Variants in PDE4D observed in about 807,000 individuals in gnomAD.
The protein encoded by PDE4D is phosphodiesterase 4D.
Under a neutral mutation model 87.4 loss-of-function variants are expected in PDE4D, and 24 were observed. The observed-to-expected ratio is 0.27, with a 90% CI of 0.20 to 0.39. The LOEUF is 0.39. Ranked by LOEUF, PDE4D falls within the 10% of genes least tolerant of loss-of-function variation. The pLI is 1.00. For missense variants in PDE4D, 714 were observed against 1,041.0 expected, an observed-to-expected ratio of 0.69 and a Z score of 4.32; for synonymous variants, 384 against 383.2, an observed-to-expected ratio of 1.00 and a Z score of -0.02.
rs376228413 is a variant in PDE4D at position 59,227,126 on chromosome 5, T to A, written c.456-11158A>T. 1.4e-3 allele frequency among the ~76,000 whole-genome samples: 213 copies of A among 152,314 alleles called. 3 individuals are homozygous for A. Among genetic ancestry groups the A allele is most frequent in the African/African-American group, 5.0e-3 (206 of 41,582 alleles). On this transcript the variant is annotated intron_variant, in intron 1 of 14. Coordinates refer to ENST00000340635, the MANE Select transcript of PDE4D (RefSeq NM_001104631.2). ...CAGCAGGTTACTACCAATCTTTCAC[T>A]TTCTAAGATCACTTCTAAGATGCTA...
chr5:59,470,486 C>A (rs1802276668), intron 1 of PDE4D, among the ~76,000 whole-genome samples: 1 of 152,092 alleles, frequency 6.6e-6, no homozygotes, highest in Admixed American at 6.5e-5. Context: ...ACCAAAATAC[C>A]ATAATTTCAT....
At chr5:60,380,167 T>C (rs890544453) in intron 1 of PDE4D, among the ~76,000 whole-genome samples, 10 of 152,212 alleles carry the variant, frequency 6.6e-5, no homozygotes, top group Admixed American at 5.2e-4. Flanking sequence ...ACGGCAGTTA[T>C]AGAGAACAGA....
intron 1 of PDE4D, among the ~76,000 whole-genome samples, chr5:59,436,497 A>C (rs1484172948): frequency 1.3e-5 from 2 of 152,232 alleles, no homozygotes; most frequent in African/African-American, 4.8e-5. Context: ...CAGATGGATA[A>C]GTAGTTTCTC....
intron 1 of PDE4D, among the ~76,000 whole-genome samples, chr5:60,279,006 TC>T (rs1478193554): frequency 6.6e-6 from 1 of 152,208 alleles, no homozygotes; most frequent in Non-Finnish European, 1.5e-5. Context: ...AGATGCCATT[TC>T]TTATTTAAAT....
At chr5:59,274,352 C>A (rs1351287534) in intron 1 of PDE4D, among the ~76,000 whole-genome samples, 1 of 152,074 alleles carries the variant, frequency 6.6e-6, no homozygotes, top group East Asian at 1.9e-4. Flanking sequence ...ACAGCAAAGG[C>A]TAACCTATCC....
intron 3 of PDE4D, among the ~76,000 whole-genome samples, chr5:59,910,160 C>T (rs550215609): frequency 2.6e-5 from 4 of 152,168 alleles, no homozygotes; most frequent in African/African-American, 7.2e-5. Context: ...CTGCCTGTGC[C>T]GCCTCTTGAA....
intron 1 of PDE4D, among the ~76,000 whole-genome samples, chr5:60,482,356 T>C (rs1253747246): frequency 6.6e-6 from 1 of 152,136 alleles, no homozygotes; most frequent in African/African-American, 2.4e-5. Context: ...AGACACCCAG[T>C]TGATGATACT....
intron 1 of PDE4D, among the ~76,000 whole-genome samples, chr5:59,340,894 G>T (rs1231565354): frequency 6.6e-6 from 1 of 152,112 alleles, no homozygotes; most frequent in East Asian, 1.9e-4. Flanking sequence ...GTACTCCATT[G>T]TGTGTATGTA....
chr5:59,318,505 T>A (rs936222287), intron 1 of PDE4D, among the ~76,000 whole-genome samples: 1 of 152,012 alleles, frequency 6.6e-6, no homozygotes, highest in Non-Finnish European at 1.5e-5. Flanking sequence ...ACTTACAGAA[T>A]ATATGCAATA....
intron 1 of PDE4D, among the ~76,000 whole-genome samples, chr5:59,514,194 C>T (rs1395846603): frequency 6.6e-6 from 1 of 151,748 alleles, no homozygotes; most frequent in Non-Finnish European, 1.5e-5. Context: ...CATGCTCCGC[C>T]TCCCGGGTTC....
At chr5:59,516,996 G>A (rs61349922) in intron 1 of PDE4D, among the ~76,000 whole-genome samples, 12,237 of 151,650 alleles carry the variant, frequency 0.081, 1,552 homozygotes, top group African/African-American at 0.27. Flanking sequence ...GTTAAAATAC[G>A]GTAAATATTT....
intron 1 of PDE4D, among the ~76,000 whole-genome samples, chr5:60,375,947 G>C (rs1298061515): frequency 6.6e-6 from 1 of 152,158 alleles, no homozygotes; most frequent in Non-Finnish European, 1.5e-5. Context: ...GCTGAGGCAG[G>C]AGAATCACTT....
intron 1 of PDE4D, among the ~76,000 whole-genome samples, chr5:59,305,402 T>G (rs1412507376): frequency 1.3e-5 from 2 of 152,050 alleles, no homozygotes; most frequent in East Asian, 3.9e-4. Flanking sequence ...TCAATTTCAT[T>G]TAGTTCTGCT....
chr5:59,628,939 C>A (rs1831229620), intron 1 of PDE4D, among the ~76,000 whole-genome samples: 1 of 152,060 alleles, frequency 6.6e-6, no homozygotes, highest in Admixed American at 6.5e-5. Flanking sequence ...GAAGGGGAAG[C>A]TAACATGTCC....
intron 1 of PDE4D, among the ~76,000 whole-genome samples, chr5:59,643,843 T>C (rs1049959564): frequency 9.2e-5 from 14 of 152,254 alleles, no homozygotes; most frequent in African/African-American, 3.4e-4. Context: ...GTGACTTTAA[T>C]CATTGGCCTA....
chr5:59,013,864 C>A (rs1405833798), intron 6 of PDE4D, among the ~76,000 whole-genome samples: 1 of 152,140 alleles, frequency 6.6e-6, no homozygotes, highest in Non-Finnish European at 1.5e-5. Context: ...TTTAGACCAA[C>A]ATCCATGATG....
chr5:59,155,132 C>T (rs1317703310), intron 5 of PDE4D, among the ~76,000 whole-genome samples: 2 of 152,032 alleles, frequency 1.3e-5, no homozygotes, highest in South Asian at 2.1e-4. Flanking sequence ...TTTTGGGACC[C>T]ACTTTCATAA....
chr5:59,989,087 C>CATATATATATATATAT (rs541522751), intron 2 of PDE4D, among the ~76,000 whole-genome samples: 78 of 100,272 alleles, frequency 7.8e-4, no homozygotes, highest in Non-Finnish European at 9.2e-4. Flanking sequence ...ATGCATGTGT[C>CATATATATATATATAT]ATATATATAT....
At chr5:60,224,253 G>C (rs1248390370) in intron 1 of PDE4D, among the ~76,000 whole-genome samples, 1 of 152,034 alleles carries the variant, frequency 6.6e-6, no homozygotes, top group Non-Finnish European at 1.5e-5. Flanking sequence ...CTGACCAAAA[G>C]ACTTCTTGAG....
Sources: gnomAD v4.1 joint callset for allele counts (sites outside exome capture counted in the v4.1 genomes callset) on GRCh38, gnomAD v4.1.1 for gene constraint, MANE v1.5 for transcripts, NCBI Gene and HGNC (gene_info 2026-07-23, HGNC 2026-07-21) for gene names.